Variants in SEMA6D observed in about 807,000 individuals in gnomAD.
SEMA6D encodes the protein semaphorin 6D, also known as semaphorin-6D.
In SEMA6D, 35 loss-of-function variants were observed where a neutral mutation model predicts 106.6. That is an observed-to-expected ratio of 0.33 (90% confidence interval 0.25 to 0.44). SEMA6D has a LOEUF of 0.44. SEMA6D is among the 20% of genes least tolerant of loss of function. SEMA6D has a pLI of 1.00. For synonymous variants in SEMA6D, 499 were observed against 487.7 expected (o/e 1.02, Z -0.31); for missense variants, 1,185 against 1,345.9 (o/e 0.88, Z 1.87).
intron 4 of SEMA6D, among the ~76,000 whole-genome samples, chr15:47,635,203 G>C (rs894869533): frequency 2.6e-5 from 4 of 152,150 alleles, no homozygotes; most frequent in African/African-American, 9.7e-5. Context: ...CAGAAGACAG[G>C]AACTAGGGGA....
At chr15:47,690,890 A>C (rs2078572824) in intron 4 of SEMA6D, among the ~76,000 whole-genome samples, 1 of 152,170 alleles carries the variant, frequency 6.6e-6, no homozygotes, top group Non-Finnish European at 1.5e-5. Flanking sequence ...CCTCATGTTA[A>C]GATTGTATAT....
At chr15:47,523,112 C>T (rs1042307666) in intron 3 of SEMA6D, among the ~76,000 whole-genome samples, 1 of 152,178 alleles carries the variant, frequency 6.6e-6, no homozygotes, top group Non-Finnish European at 1.5e-5. Flanking sequence ...GCTAACAGTG[C>T]CCTTCATTGG....
At chr15:47,563,434 A>G (rs560242578) in intron 3 of SEMA6D, among the ~76,000 whole-genome samples, 1 of 152,326 alleles carries the variant, frequency 6.6e-6, no homozygotes, top group South Asian at 2.1e-4. Flanking sequence ...CTGAATGCCA[A>G]CTGTTCTTGA....
chr15:47,380,826 A>G (rs906034912), intron 1 of SEMA6D, among the ~76,000 whole-genome samples: 4 of 152,230 alleles, frequency 2.6e-5, no homozygotes, highest in African/African-American at 9.6e-5. Flanking sequence ...TGAAATAACT[A>G]TTGTAATAAA....
At chr15:47,329,055 C>A (rs11632739) in intron 1 of SEMA6D, among the ~76,000 whole-genome samples, 70,229 of 152,022 alleles carry the variant, frequency 0.46, 19,556 homozygotes, top group South Asian at 0.61. Context: ...ATTCTTTGGG[C>A]AAAAATGTTT....
chr15:47,556,731 C>A (rs567207176), intron 3 of SEMA6D, among the ~76,000 whole-genome samples: 1 of 152,268 alleles, frequency 6.6e-6, no homozygotes, highest in African/African-American at 2.4e-5. Flanking sequence ...CCCTTCCCAA[C>A]AGAGTGAGCC....
At chr15:47,599,716 A>G (rs915494388) in intron 3 of SEMA6D, among the ~76,000 whole-genome samples, 1 of 152,040 alleles carries the variant, frequency 6.6e-6, no homozygotes, top group Non-Finnish European at 1.5e-5. Flanking sequence ...GTATTCTTGA[A>G]TGTGGACTTT....
chr15:47,734,049 G>A (rs1239356753), intron 1 of SEMA6D, among the ~76,000 whole-genome samples: 1 of 152,172 alleles, frequency 6.6e-6, no homozygotes, highest in Admixed American at 6.5e-5. Flanking sequence ...CTGGAGACTT[G>A]TTTGTGATGG....
intron 1 of SEMA6D, among the ~76,000 whole-genome samples, chr15:47,234,315 C>T (rs1301192957): frequency 6.6e-5 from 10 of 151,800 alleles, no homozygotes; most frequent in African/African-American, 1.9e-4. Context: ...AAATGTTATA[C>T]ATACATATAT....
intron 3 of SEMA6D, among the ~76,000 whole-genome samples, chr15:47,533,709 T>C (rs28585008): frequency 6.6e-6 from 1 of 152,114 alleles, no homozygotes; most frequent in Admixed American, 6.5e-5. Context: ...ATTCTACTTG[T>C]GAGAGGACAG....
intron 4 of SEMA6D, among the ~76,000 whole-genome samples, chr15:47,657,431 ATAT>A (rs1434371049): frequency 6.6e-6 from 1 of 152,080 alleles, no homozygotes; most frequent in East Asian, 1.9e-4. Context: ...TATGTTTTTA[ATAT>A]TATTAATTTT....
chr15:47,459,702 T>G (rs565628275), intron 2 of SEMA6D, among the ~76,000 whole-genome samples: 1 of 152,076 alleles, frequency 6.6e-6, no homozygotes, highest in East Asian at 1.9e-4. Flanking sequence ...AAACAATAGG[T>G]TTTCTCCCCT....
At chr15:47,632,042 A>G (rs1329835828) in intron 4 of SEMA6D, among the ~76,000 whole-genome samples, 1 of 151,668 alleles carries the variant, frequency 6.6e-6, no homozygotes, top group African/African-American at 2.4e-5. Context: ...CACTTTGACC[A>G]TGGGTTATTT....
chr15:47,384,947 C>T (rs910731004), intron 1 of SEMA6D, among the ~76,000 whole-genome samples: 2 of 145,580 alleles, frequency 1.4e-5, no homozygotes, highest in Non-Finnish European at 3.0e-5. Flanking sequence ...TGAACGAAGG[C>T]TGATTTCTAG....
In SEMA6D at chr15:47,250,168, C is replaced by G. The variant is rs532757432; in HGVS notation, c.-239+65750C>G. Among the ~76,000 whole-genome samples the G allele has an allele frequency of 2.0e-5, 3 of 152,226 alleles. No homozygotes were observed. In the East Asian group the frequency reaches 5.8e-4, roughly 29 times the overall value. On this transcript the variant is annotated intron_variant, in intron 1 of 19. Coordinates refer to the SEMA6D transcript ENST00000558014. ...TAACCTTCGCAAAAATCCTGAAACA[C>G]AGGAATGATTGTCTATATTTTGTAA...
intron 4 of SEMA6D, among the ~76,000 whole-genome samples, chr15:47,677,495 C>T (rs569577130): frequency 6.6e-6 from 1 of 152,290 alleles, no homozygotes; most frequent in East Asian, 1.9e-4. Context: ...TAGCCTCCAT[C>T]TCTTAATGGA....
At chr15:47,257,010 T>A (rs1480769285) in intron 1 of SEMA6D, among the ~76,000 whole-genome samples, 1 of 152,212 alleles carries the variant, frequency 6.6e-6, no homozygotes, top group Non-Finnish European at 1.5e-5. Context: ...GTTGTTATAC[T>A]GTCTTGACCT....
chr15:47,743,968 G>A (rs1221530447), intron 1 of SEMA6D, among the ~76,000 whole-genome samples: 2 of 152,124 alleles, frequency 1.3e-5, no homozygotes, highest in Non-Finnish European at 2.9e-5. Flanking sequence ...CTGGAGACAG[G>A]TGACCCAGAA....
chr15:47,218,008 G>A, intron 1 of SEMA6D, among the ~76,000 whole-genome samples: 1 of 151,880 alleles, frequency 6.6e-6, no homozygotes, highest in East Asian at 1.9e-4. Context: ...TGTTTTCTGA[G>A]CACTTCTTGA....
Sources: gnomAD v4.1 joint callset for allele counts (sites outside exome capture counted in the v4.1 genomes callset) on GRCh38, gnomAD v4.1.1 for gene constraint, MANE v1.5 for transcripts, NCBI Gene and HGNC (gene_info 2026-07-23, HGNC 2026-07-21) for gene names.